PTPRT: variants seen among roughly 807,000 people sequenced by gnomAD.
The protein encoded by PTPRT is receptor-type tyrosine-protein phosphatase T.
A neutral mutation model predicts 176.8 loss-of-function variants in PTPRT; 56 were observed. The observed-to-expected ratio is 0.32, with a 90% CI of 0.26 to 0.40. The LOEUF is 0.40. PTPRT is among the 10% of genes least tolerant of loss of function. The pLI is 1.00. For synonymous variants in PTPRT, 783 were observed against 739.0 expected, an observed-to-expected ratio of 1.06 and a Z score of -0.96; for missense variants, 1,540 against 1,908.2, an observed-to-expected ratio of 0.81 and a Z score of 3.60.
chr20:42,847,981 C>T (rs1327230103), intron 2 of PTPRT, among the ~76,000 whole-genome samples: 3 of 152,084 alleles, frequency 2.0e-5, no homozygotes, highest in Non-Finnish European at 4.4e-5. Context: ...TATCCCTCAC[C>T]CCCCTCCCAC....
At chr20:42,253,888 T>C (rs1336304558) in intron 13 of PTPRT, among the ~76,000 whole-genome samples, 1 of 152,198 alleles carries the variant, frequency 6.6e-6, no homozygotes, top group Non-Finnish European at 1.5e-5. Context: ...CTGCTGTCTA[T>C]TCTTTCCCCA....
At chr20:42,939,529 ATAGT>A (rs2145989471) in intron 1 of PTPRT, among the ~76,000 whole-genome samples, 1 of 152,218 alleles carries the variant, frequency 6.6e-6, no homozygotes, top group African/African-American at 2.4e-5. Context: ...TACCTGGCTC[ATAGT>A]TGGTGTTGAG....
In PTPRT at chr20:43,183,693, C is replaced by T. The variant is rs75264280; in HGVS notation, c.88+5953G>A. ...TAAACTGTTCTCTCAGGCTCGCTTC[C>T]TATAAACCCCTGCTCCATGCCCAAC... On this transcript the variant is annotated intron_variant, in intron 1 of 30. Coordinates refer to ENST00000373187, the MANE Select transcript of PTPRT (RefSeq NM_007050.6). 1.4e-4 allele frequency among the ~76,000 whole-genome samples: 21 copies of T among 152,324 alleles called. No homozygotes were observed. In the East Asian group the frequency reaches 3.9e-3, roughly 28 times the overall value.
chr20:42,682,522 G>C (rs2075620620), intron 6 of PTPRT, among the ~76,000 whole-genome samples: 2 of 152,172 alleles, frequency 1.3e-5, no homozygotes, highest in Non-Finnish European at 2.9e-5. Flanking sequence ...CCTCTTAACA[G>C]ACTCCACACC....
chr20:42,249,101 C>A (rs192471769), intron 13 of PTPRT, among the ~76,000 whole-genome samples: 5 of 152,252 alleles, frequency 3.3e-5, no homozygotes, highest in Non-Finnish European at 5.9e-5. Context: ...TTGAAGCATT[C>A]TTTTCCTTAA....
intron 16 of PTPRT, among the ~76,000 whole-genome samples, chr20:42,169,434 A>G (rs1989978963): frequency 6.6e-6 from 1 of 152,076 alleles, no homozygotes; most frequent in Non-Finnish European, 1.5e-5. Context: ...GATGGGGGCT[A>G]TAAACATCCA....
intron 12 of PTPRT, among the ~76,000 whole-genome samples, chr20:42,288,359 T>C (rs1159530533): frequency 6.6e-6 from 1 of 151,872 alleles, no homozygotes; most frequent in African/African-American, 2.4e-5. Context: ...TTGTTTTGTT[T>C]TGTTTTGTTT....
At chr20:42,896,362 C>A (rs956222400) in intron 1 of PTPRT, among the ~76,000 whole-genome samples, 5 of 151,984 alleles carry the variant, frequency 3.3e-5, no homozygotes, top group Non-Finnish European at 2.9e-5. Context: ...TGGTGCCAGG[C>A]GCGATGGCTC....
At chr20:42,751,762 C>G (rs2076773684) in intron 6 of PTPRT, among the ~76,000 whole-genome samples, 1 of 152,102 alleles carries the variant, frequency 6.6e-6, no homozygotes, top group Non-Finnish European at 1.5e-5. Context: ...AGTGGTTTCC[C>G]AGGGGCTCTC....
At chr20:42,996,952 T>A (rs1439374606) in intron 1 of PTPRT, among the ~76,000 whole-genome samples, 2 of 152,320 alleles carry the variant, frequency 1.3e-5, no homozygotes. Flanking sequence ...TAATACTCAA[T>A]AAATGCTTGC....
intron 1 of PTPRT, among the ~76,000 whole-genome samples, chr20:43,141,625 A>G (rs1204099347): frequency 1.3e-5 from 2 of 152,236 alleles, no homozygotes; most frequent in Non-Finnish European, 2.9e-5. Context: ...CTACCTCTTC[A>G]TGGGAAAATG....
At chr20:42,395,396 G>A (rs1482047887) in intron 9 of PTPRT, among the ~76,000 whole-genome samples, 1 of 152,118 alleles carries the variant, frequency 6.6e-6, no homozygotes, top group Non-Finnish European at 1.5e-5. Flanking sequence ...GAGACCCCCT[G>A]TGCTCTCATT....
chr20:42,863,908 A>C (rs1388129583), intron 2 of PTPRT, among the ~76,000 whole-genome samples: 1 of 152,228 alleles, frequency 6.6e-6, no homozygotes, highest in African/African-American at 2.4e-5. Flanking sequence ...AGCTTTCTCC[A>C]AGGCAGGAAA....
intron 9 of PTPRT, among the ~76,000 whole-genome samples, chr20:42,389,689 CA>C (rs935485398): frequency 2.0e-5 from 3 of 151,626 alleles, no homozygotes; most frequent in Non-Finnish European, 4.4e-5. Flanking sequence ...CCTGTCACCA[CA>C]AAAAAATTAA....
At chr20:42,046,383 C>A in the PTPRT span, among the ~76,000 whole-genome samples, 4 of 152,194 alleles carry the variant, frequency 2.6e-5, no homozygotes, top group Non-Finnish European at 5.9e-5. Flanking sequence ...CTTATCTCTG[C>A]CAGGAGTTTT....
chr20:42,383,992 G>T (rs937118894), intron 9 of PTPRT, among the ~76,000 whole-genome samples: 1 of 152,170 alleles, frequency 6.6e-6, no homozygotes, highest in Non-Finnish European at 1.5e-5. Context: ...GTGGGTAGAT[G>T]GGGTAGGGAC....
At chr20:42,605,825 A>G (rs2073866638) in intron 7 of PTPRT, among the ~76,000 whole-genome samples, 2 of 152,194 alleles carry the variant, frequency 1.3e-5, no homozygotes, top group Non-Finnish European at 2.9e-5. Flanking sequence ...TTCAGGATGC[A>G]TCAGAATTAC....
intron 9 of PTPRT, among the ~76,000 whole-genome samples, chr20:42,363,724 G>A (rs6102809): frequency 6.6e-6 from 1 of 152,182 alleles, no homozygotes; most frequent in East Asian, 1.9e-4. Flanking sequence ...AAGTTTATGA[G>A]GCTACTACCG....
At chr20:42,104,797 T>A in intron 24 of PTPRT, 79 bp from the exon 25 acceptor site, 1 of 1,423,828 alleles carries the variant, frequency 7.0e-7, no homozygotes, top group Non-Finnish European at 9.7e-7. Context: ...TTTAGTGTTG[T>A]GGCTATGAAG....
Sources: gnomAD v4.1 joint callset for allele counts (sites outside exome capture counted in the v4.1 genomes callset) on GRCh38, gnomAD v4.1.1 for gene constraint, MANE v1.5 for transcripts, NCBI Gene and HGNC (gene_info 2026-07-23, HGNC 2026-07-21) for gene names.